Variants in IKZF1 observed in about 807,000 individuals in gnomAD.
The protein encoded by IKZF1 is DNA-binding protein Ikaros.
A neutral mutation model predicts 51.7 loss-of-function variants in IKZF1; 10 were observed. The observed-to-expected ratio is 0.19, with a 90% CI of 0.12 to 0.33. The LOEUF is 0.33. Ranked by LOEUF, IKZF1 falls within the 10% of genes least tolerant of loss-of-function variation. The pLI is 1.00. For synonymous variants in IKZF1, 280 were observed against 282.3 expected, an observed-to-expected ratio of 0.99 and a Z score of 0.08; for missense variants, 484 against 707.5, an observed-to-expected ratio of 0.68 and a Z score of 3.58.
chr7:50,375,373 C>T (rs1809933847), intron 3 of IKZF1, among the ~76,000 whole-genome samples: 1 of 152,036 alleles, frequency 6.6e-6, no homozygotes, highest in African/African-American at 2.4e-5. Flanking sequence ...GACCCTGTCT[C>T]AAAAAAGAAA....
intron 1 of IKZF1, among the ~76,000 whole-genome samples, chr7:50,317,217 A>G (rs1397662739): frequency 1.3e-5 from 2 of 152,248 alleles, no homozygotes; most frequent in African/African-American, 4.8e-5. Context: ...CTGTGACAAG[A>G]TTTAACTTCT....
chr7:50,361,481 C>G (rs965796832), intron 3 of IKZF1, among the ~76,000 whole-genome samples: 5 of 152,298 alleles, frequency 3.3e-5, no homozygotes, highest in Admixed American at 1.3e-4. Context: ...AGATCCTGGA[C>G]CCGGAAGTTG....
At chr7:50,380,442 C>T (rs1811530078) in intron 4 of IKZF1, among the ~76,000 whole-genome samples, 2 of 152,208 alleles carry the variant, frequency 1.3e-5, no homozygotes, top group Non-Finnish European at 2.9e-5. Context: ...CTCCTGTTTT[C>T]CCTGTAGCCC....
intron 3 of IKZF1, among the ~76,000 whole-genome samples, chr7:50,365,643 G>C (rs967603308): frequency 6.6e-6 from 1 of 152,188 alleles, no homozygotes; most frequent in Non-Finnish European, 1.5e-5. Flanking sequence ...ACAGTTGCTG[G>C]TGAGGTTGTA....
chr7:50,343,069 C>T (rs1799441002), intron 3 of IKZF1, among the ~76,000 whole-genome samples: 1 of 148,840 alleles, frequency 6.7e-6, no homozygotes. Context: ...AATTTTCCTC[C>T]TTTCTCTTTC....
intron 7 of IKZF1, among the ~76,000 whole-genome samples, chr7:50,392,660 G>A (rs138731105): frequency 1.7e-4 from 26 of 152,322 alleles, no homozygotes; most frequent in Non-Finnish European, 3.4e-4. Context: ...AATATCCCAT[G>A]ACTCCAAGAT....
intron 5 of IKZF1, among the ~76,000 whole-genome samples, chr7:50,385,726 G>A (rs1035833974): frequency 6.6e-6 from 1 of 152,200 alleles, no homozygotes; most frequent in Non-Finnish European, 1.5e-5. Flanking sequence ...TTACTGAAGT[G>A]ACAGCTTTTT....
In IKZF1 at chr7:50,320,301, G is replaced by A. The variant is rs987484930; in HGVS notation, c.40+1200G>A. Among the ~76,000 whole-genome samples, 13 of 150,968 alleles carry A rather than the reference G, an allele frequency of 8.6e-5. No homozygotes were observed. The South Asian group carries it at 1.0e-3, about 12-fold the overall frequency. ...CACTTAATTTTTAATTTTTTTAATC[G>A]TCACAAAATAATTGTGTACATAGAC... On this transcript the variant is annotated intron_variant, in intron 2 of 7. Coordinates refer to ENST00000331340, the MANE Select transcript of IKZF1 (RefSeq NM_006060.6).
At chr7:50,316,724 G>A (rs1000454089) in intron 1 of IKZF1, among the ~76,000 whole-genome samples, 31 of 152,368 alleles carry the variant, frequency 2.0e-4, no homozygotes, top group African/African-American at 7.2e-4. Flanking sequence ...AAGGACGAGT[G>A]TGTCCAGAGG....
intron 3 of IKZF1, among the ~76,000 whole-genome samples, chr7:50,372,381 T>C (rs1019118578): frequency 6.6e-6 from 1 of 152,224 alleles, no homozygotes; most frequent in African/African-American, 2.4e-5. Context: ...CTGGCAGTCA[T>C]CCAGTCCTTG....
chr7:50,368,322 A>C (rs1176815348), intron 3 of IKZF1: 5 of 703,186 alleles, frequency 7.1e-6, no homozygotes, highest in Non-Finnish European at 1.3e-5. Flanking sequence ...CACTGATGGG[A>C]TTGTTACTTC....
chr7:50,315,908 G>T (rs1345944475), intron 1 of IKZF1, among the ~76,000 whole-genome samples: 1 of 152,182 alleles, frequency 6.6e-6, no homozygotes, highest in Admixed American at 6.5e-5. Context: ...AAAATACACA[G>T]CCGAAGTGAT....
chr7:50,399,876 G>A, intron 7 of IKZF1, 42 bp from the exon 8 acceptor site: 1 of 1,573,592 alleles, frequency 6.4e-7, no homozygotes, highest in Non-Finnish European at 8.6e-7. Context: ...GACCGGTTCC[G>A]GAGGTGGCCG....
At chr7:50,322,225 A>G (rs2153370654) in intron 2 of IKZF1, among the ~76,000 whole-genome samples, 1 of 152,372 alleles carries the variant, frequency 6.6e-6, no homozygotes, top group African/African-American at 2.4e-5. Context: ...AGGAGTTGAC[A>G]TTCTTGGTAA....
At chr7:50,382,519 G>A (rs2153477205) in intron 4 of IKZF1, 21 bp from the exon 5 acceptor site, 1 of 1,606,146 alleles carries the variant, frequency 6.2e-7, no homozygotes, top group African/African-American at 1.3e-5. Flanking sequence ...GTTCTCACCA[G>A]CTCTCCTCTC....
Position 50,376,305 on chromosome 7 carries a change from G to C in IKZF1, c.161-228G>C, listed in dbSNP as rs1810273037. ...TCGCCACTGGGCCTATGGATGGAGA[G>C]GGCTGGCAGATCTCCCTGTAACCCC... On this transcript the variant is annotated intron_variant, in intron 3 of 7. Coordinates refer to ENST00000331340, the MANE Select transcript of IKZF1 (RefSeq NM_006060.6). This position sits in a 1 kb window ranked among gnomAD's most constrained non-coding sequence, Gnocchi z 4.5. 6.6e-6 allele frequency among the ~76,000 whole-genome samples: 1 copy of C among 152,180 alleles called. No homozygotes were observed. Among genetic ancestry groups the C allele is most frequent in the Non-Finnish European group, 1.5e-5 (1 of 68,030 alleles).
At chr7:50,380,993 T>A (rs988924032) in intron 4 of IKZF1, among the ~76,000 whole-genome samples, 1 of 152,342 alleles carries the variant, frequency 6.6e-6, no homozygotes, top group East Asian at 1.9e-4. Context: ...TACAGATTTC[T>A]GTAAGGATTT....
chr7:50,340,567 G>C (rs1323840552), intron 3 of IKZF1, among the ~76,000 whole-genome samples: 6 of 152,366 alleles, frequency 3.9e-5, no homozygotes, highest in East Asian at 1.9e-4. Context: ...AATGAGAAAA[G>C]TGCTGTTATT....
chr7:50,342,866 CGT>C (rs1799379026), intron 3 of IKZF1, among the ~76,000 whole-genome samples: 3 of 152,174 alleles, frequency 2.0e-5, no homozygotes, highest in Non-Finnish European at 4.4e-5. Flanking sequence ...CAGGAGACAG[CGT>C]GTGCTCCTGT....
Sources: gnomAD v4.1 joint callset for allele counts (sites outside exome capture counted in the v4.1 genomes callset) on GRCh38, gnomAD v4.1.1 for gene constraint, Gnocchi (gnomAD v3.1) non-coding constraint, MANE v1.5 for transcripts, NCBI Gene and HGNC (gene_info 2026-07-23, HGNC 2026-07-21) for gene names.